Variants in KCNMA1 observed in about 807,000 individuals in gnomAD.
KCNMA1 encodes potassium calcium-activated channel subfamily M alpha 1.
A neutral mutation model predicts 140.0 loss-of-function variants in KCNMA1; 29 were observed. The ratio of observed to expected loss-of-function variants is 0.21; its 90% CI spans 0.15 to 0.28. KCNMA1 has a LOEUF of 0.28. KCNMA1 is among the 10% of genes least tolerant of loss of function. The probability of loss-of-function intolerance (pLI) is 1.00; values close to 1 mark genes in which losing one functional copy is unlikely to be tolerated. For synonymous variants in KCNMA1, 612 were observed against 611.9 expected, an observed-to-expected ratio of 1.00 and a Z score of 0.00; for missense variants, 880 against 1,602.2, an observed-to-expected ratio of 0.55 and a Z score of 7.70.
At chr10:76,990,099 T>C (rs1052030974) in intron 19 of KCNMA1, among the ~76,000 whole-genome samples, 2 of 152,174 alleles carry the variant, frequency 1.3e-5, no homozygotes, top group African/African-American at 2.4e-5. Context: ...AGCTAAAAAA[T>C]AGTGAAGTTC....
chr10:76,885,086 CTT>C lies in KCNMA1; in HGVS notation c.*2178_*2179del. The C allele has an allele frequency of 3.2e-6, 5 of 1,538,890 alleles. No individual in the cohort carries two copies. Among genetic ancestry groups the C allele is most frequent in the Non-Finnish European group, 4.4e-6 (5 of 1,141,796 alleles). ...AAACTGTCATATTTCCTGTTGAGCA[CTT>C]TAACTGGCACATTCTTATAGTTATA... On this transcript the variant is annotated 3_prime_UTR_variant, in exon 28 of 28. Coordinates refer to ENST00000286628, the MANE Select transcript of KCNMA1 (RefSeq NM_001161352.2).
chr10:77,388,120 T>C (rs2095683226), intron 2 of KCNMA1, among the ~76,000 whole-genome samples: 2 of 152,368 alleles, frequency 1.3e-5, no homozygotes, highest in African/African-American at 2.4e-5. Context: ...TTGCATGTCA[T>C]GTGTAATCTC....
At chr10:77,466,617 T>C (rs61856123) in intron 1 of KCNMA1, among the ~76,000 whole-genome samples, 2,257 of 152,280 alleles carry the variant, frequency 0.015, 33 homozygotes, top group Non-Finnish European at 0.025. Flanking sequence ...GTTCACTGCA[T>C]TATATAATCA....
chr10:77,025,991 A>C lies in KCNMA1; in HGVS notation c.1928+1832T>G. ...AGTCCTTTTTGCCCTTTTCTGAAGA[A>C]AAAAAAAATATATATATATATATAT... On this transcript the variant is annotated intron_variant, in intron 16 of 27. Transcript: ENST00000286628. Among the ~76,000 whole-genome samples the C allele has an allele frequency of 1.5e-5, 2 of 132,730 alleles. 1 individual carries two copies. The highest frequency in any genetic ancestry group is 5.5e-5 in the African/African-American group (2 of 36,364). 87.1% of individuals were successfully genotyped at this position (132,730 alleles called of 152,430 possible). A position where few individuals can be genotyped will look rare whatever the true frequency, so the allele number is the denominator to read the frequency against.
intron 2 of KCNMA1, among the ~76,000 whole-genome samples, chr10:77,274,149 A>G (rs1422422118): frequency 6.6e-6 from 1 of 152,156 alleles, no homozygotes; most frequent in Non-Finnish European, 1.5e-5. Context: ...ACAAGCCATA[A>G]AAGATTTCTC....
chr10:77,271,870 C>T (rs1293053405), intron 2 of KCNMA1, among the ~76,000 whole-genome samples: 1 of 152,210 alleles, frequency 6.6e-6, no homozygotes, highest in African/African-American at 2.4e-5. Context: ...CTGAAATGTT[C>T]TAGAATGTCT....
At chr10:77,501,225 CCT>C (rs1276627059) in intron 1 of KCNMA1, among the ~76,000 whole-genome samples, 1 of 152,182 alleles carries the variant, frequency 6.6e-6, no homozygotes, top group Admixed American at 6.5e-5. Flanking sequence ...TTGGCATGGC[CCT>C]GAGGACAAGA....
At position 77,530,914 on chromosome 10, in the gene KCNMA1, C is replaced by T. The variant is rs113890197; in HGVS notation, c.378+106351G>A. 7.4e-3 allele frequency among the ~76,000 whole-genome samples: 1,126 copies of T among 152,242 alleles called. 6 individuals are homozygous for T. The highest frequency in any genetic ancestry group is 0.01 in the Non-Finnish European group (692 of 68,004). ...GCTCTGATGTACTAGTTCTATTTTT[C>T]CACAAGTGTATTCAAATACACAACT... On this transcript the variant is annotated intron_variant, in intron 1 of 27. Coordinates refer to ENST00000286628, the MANE Select transcript of KCNMA1 (RefSeq NM_001161352.2).
chr10:77,353,850 T>C (rs1464258958), intron 2 of KCNMA1, among the ~76,000 whole-genome samples: 1 of 151,912 alleles, frequency 6.6e-6, no homozygotes, highest in Non-Finnish European at 1.5e-5. Flanking sequence ...GCTTAGTCAA[T>C]GGAAGAGCTG....
At chr10:76,959,206 C>T (rs952391922) in intron 20 of KCNMA1, among the ~76,000 whole-genome samples, 1 of 152,176 alleles carries the variant, frequency 6.6e-6, no homozygotes, top group African/African-American at 2.4e-5. Flanking sequence ...CCAATGAAAG[C>T]CCAGCTTAAA....
At chr10:77,088,940 T>A (rs899262272) in intron 10 of KCNMA1, among the ~76,000 whole-genome samples, 1 of 152,212 alleles carries the variant, frequency 6.6e-6, no homozygotes, top group African/African-American at 2.4e-5. Flanking sequence ...ACAGGGTTGA[T>A]GTTGTCTCTA....
chr10:77,580,320 G>T (rs2075493297), intron 1 of KCNMA1, among the ~76,000 whole-genome samples: 1 of 150,490 alleles, frequency 6.6e-6, no homozygotes, highest in South Asian at 2.1e-4. Flanking sequence ...GGTGGAGCTT[G>T]CAGTGAGCCG....
intron 1 of KCNMA1, among the ~76,000 whole-genome samples, chr10:77,610,917 G>A (rs1264237352): frequency 6.6e-6 from 1 of 152,228 alleles, no homozygotes; most frequent in Non-Finnish European, 1.5e-5. Context: ...AAATGCCATG[G>A]AGTGGTTAGC....
intron 3 of KCNMA1, among the ~76,000 whole-genome samples, chr10:77,205,241 T>A (rs2043707573): frequency 1.3e-5 from 2 of 152,286 alleles, no homozygotes; most frequent in African/African-American, 4.8e-5. Flanking sequence ...ATGATATATT[T>A]TTTTGTGCTC....
chr10:77,137,831 G>A (rs768136206), intron 5 of KCNMA1, among the ~76,000 whole-genome samples: 2 of 151,928 alleles, frequency 1.3e-5, no homozygotes, highest in Non-Finnish European at 2.9e-5. Flanking sequence ...ACCCATGCTG[G>A]AGTGCAGTGG....
intron 10 of KCNMA1, among the ~76,000 whole-genome samples, chr10:77,087,477 C>A (rs1466772126): frequency 1.3e-5 from 2 of 152,194 alleles, no homozygotes; most frequent in African/African-American, 4.8e-5. Context: ...GGAGAGGCAT[C>A]CTGCTGTTCC....
At chr10:77,127,892 T>C (rs896001862) in intron 5 of KCNMA1, among the ~76,000 whole-genome samples, 3 of 152,104 alleles carry the variant, frequency 2.0e-5, no homozygotes, top group Non-Finnish European at 4.4e-5. Context: ...GAGAATCACT[T>C]GAACCTGGGA....
intron 1 of KCNMA1, among the ~76,000 whole-genome samples, chr10:77,595,934 G>A (rs2154565586): frequency 6.6e-6 from 1 of 152,316 alleles, no homozygotes. Context: ...ACAGGCGTGA[G>A]CCACTGCCCC....
chr10:77,360,239 C>T (rs750938571), intron 2 of KCNMA1, among the ~76,000 whole-genome samples: 71 of 152,176 alleles, frequency 4.7e-4, no homozygotes, highest in Non-Finnish European at 9.7e-4. Context: ...AGAACAAAGG[C>T]CTGGAGCTAT....
Sources: allele counts gnomAD v4.1 joint callset (sites outside exome capture counted in the v4.1 genomes callset), GRCh38; gene constraint gnomAD v4.1.1; transcripts MANE v1.5; gene names NCBI Gene and HGNC (gene_info 2026-07-23, HGNC 2026-07-21).